Variants in COX7B2 observed in about 807,000 individuals in gnomAD.
COX7B2 encodes the protein cytochrome c oxidase subunit 7B2.
For missense variants in COX7B2, 109 were observed against 95.9 expected, an observed-to-expected ratio of 1.14 and a Z score of -0.57; for synonymous variants, 37 against 32.1, an observed-to-expected ratio of 1.15 and a Z score of -0.51.
chr4:46,905,981 C>T (rs1577721974), intron 1 of COX7B2, among the ~76,000 whole-genome samples: 1 of 151,004 alleles, frequency 6.6e-6, no homozygotes, highest in East Asian at 2.0e-4. Flanking sequence ...AGGCGCCCGC[C>T]ACCGCGCCCG....
chr4:46,745,975 TTTG>T (rs1368273379), intron 2 of COX7B2, among the ~76,000 whole-genome samples: 6 of 152,216 alleles, frequency 3.9e-5, no homozygotes, highest in African/African-American at 1.4e-4. Context: ...CATCTGAATA[TTTG>T]TTAATTAGAA....
chr4:46,780,377 C>T (rs112049420), intron 2 of COX7B2, among the ~76,000 whole-genome samples: 5 of 152,104 alleles, frequency 3.3e-5, no homozygotes, highest in African/African-American at 7.2e-5. Flanking sequence ...ATTAGCAGGG[C>T]GTGATGATGG....
chr4:46,840,993 A>G (rs182671745), intron 2 of COX7B2, among the ~76,000 whole-genome samples: 1 of 152,192 alleles, frequency 6.6e-6, no homozygotes, highest in African/African-American at 2.4e-5. Flanking sequence ...GAGGCAAAGA[A>G]AGCAAAAAGC....
intron 2 of COX7B2, among the ~76,000 whole-genome samples, chr4:46,783,121 GT>G (rs1465017866): frequency 6.6e-6 from 1 of 152,312 alleles, no homozygotes; most frequent in Admixed American, 6.5e-5. Context: ...ACAAGTATTA[GT>G]CCCTTGTACA....
At chr4:46,763,054 A>G (rs896333660) in intron 2 of COX7B2, among the ~76,000 whole-genome samples, 12 of 133,938 alleles carry the variant, frequency 9.0e-5, no homozygotes, top group African/African-American at 1.9e-4. Flanking sequence ...ATATTATAAT[A>G]TGTAATATAT....
At chr4:46,775,127 T>C (rs1277451687) in intron 2 of COX7B2, among the ~76,000 whole-genome samples, 1 of 152,040 alleles carries the variant, frequency 6.6e-6, no homozygotes, top group African/African-American at 2.4e-5. Flanking sequence ...TAAACATAAA[T>C]TACAAGTATA....
chr4:46,799,826 T>C (rs1718556433), intron 2 of COX7B2, among the ~76,000 whole-genome samples: 1 of 152,120 alleles, frequency 6.6e-6, no homozygotes, highest in African/African-American at 2.4e-5. Context: ...TTTCATTGTG[T>C]CTCTGGCCAG....
intron 1 of COX7B2, among the ~76,000 whole-genome samples, chr4:46,846,247 C>T (rs1170011623): frequency 1.3e-5 from 2 of 151,984 alleles, no homozygotes; most frequent in East Asian, 1.9e-4. Flanking sequence ...GAACATTTAA[C>T]GGCTTCAGAT....
intron 1 of COX7B2, among the ~76,000 whole-genome samples, chr4:46,862,379 C>A (rs1191475792): frequency 1.3e-5 from 2 of 152,110 alleles, no homozygotes; most frequent in African/African-American, 4.8e-5. Flanking sequence ...GACTAGAATT[C>A]TGAGGTAAAA....
intron 2 of COX7B2, among the ~76,000 whole-genome samples, chr4:46,825,939 T>G (rs952350195): frequency 1.1e-4 from 16 of 152,004 alleles, no homozygotes; most frequent in African/African-American, 3.6e-4. Flanking sequence ...GAAATCAACC[T>G]AGGTAGTACC....
intron 1 of COX7B2, among the ~76,000 whole-genome samples, chr4:46,886,938 G>A (rs914690499): frequency 6.6e-6 from 1 of 152,118 alleles, no homozygotes; most frequent in African/African-American, 2.4e-5. Context: ...ACTGTTAATT[G>A]GTGTGGAAAA....
At position 46,819,729 on chromosome 4, in the gene COX7B2, T is replaced by C. The variant is rs1714143699; in HGVS notation, c.-50+25231A>G. 3.3e-5 allele frequency among the ~76,000 whole-genome samples: 5 copies of C among 152,352 alleles called. No homozygotes were observed. The South Asian group carries it at 1.0e-3, about 32-fold the overall frequency. On this transcript the variant is annotated intron_variant, in intron 2 of 2. Coordinates refer to ENST00000355591, the MANE Select transcript of COX7B2 (RefSeq NM_130902.3). Reference sequence around the variant, plus strand: ...GTAAAACAGTATATAATTCTACTTATTACAATGTATCAGCTGTTTTATATA... The same window carrying C: ...GTAAAACAGTATATAATTCTACTTACTACAATGTATCAGCTGTTTTATATA...
At chr4:46,737,305 T>G (rs541181730) in intron 2 of COX7B2, among the ~76,000 whole-genome samples, 29 of 152,302 alleles carry the variant, frequency 1.9e-4, no homozygotes, top group African/African-American at 6.5e-4. Context: ...TTCTTATTGT[T>G]GAATTTTAAG....
chr4:46,769,459 C>T (rs150487535), intron 2 of COX7B2, among the ~76,000 whole-genome samples: 1,673 of 152,216 alleles, frequency 0.011, 19 homozygotes, highest in Middle Eastern at 0.041. Context: ...TGGCCGGGCA[C>T]GGTGGCTCAC....
intron 2 of COX7B2, among the ~76,000 whole-genome samples, chr4:46,775,553 G>A (rs911957457): frequency 2.6e-5 from 4 of 152,050 alleles, no homozygotes; most frequent in East Asian, 1.9e-4. Context: ...GGGTCATACC[G>A]CAATGAATAT....
At chr4:46,739,649 A>T (rs1284998001) in intron 2 of COX7B2, among the ~76,000 whole-genome samples, 1 of 152,090 alleles carries the variant, frequency 6.6e-6, no homozygotes, top group Non-Finnish European at 1.5e-5. Flanking sequence ...CCTAAGCTAG[A>T]TCTTGAAATA....
At chr4:46,777,345 G>T (rs73245860) in intron 2 of COX7B2, among the ~76,000 whole-genome samples, 3 of 152,058 alleles carry the variant, frequency 2.0e-5, no homozygotes, top group African/African-American at 7.2e-5. Flanking sequence ...GCAGATAAGT[G>T]AGCCAGTAGC....
intron 2 of COX7B2, among the ~76,000 whole-genome samples, chr4:46,844,180 C>A (rs1716118509): frequency 6.6e-6 from 1 of 151,972 alleles, no homozygotes; most frequent in Non-Finnish European, 1.5e-5. Context: ...TGCCACTTAA[C>A]AAAGTTATTA....
intron 1 of COX7B2, among the ~76,000 whole-genome samples, chr4:46,848,515 G>A (rs1716444403): frequency 6.6e-6 from 1 of 151,948 alleles, no homozygotes; most frequent in Non-Finnish European, 1.5e-5. Flanking sequence ...AATGTGATTA[G>A]TATTCAGCTT....
Sources: gnomAD v4.1 joint callset for allele counts (sites outside exome capture counted in the v4.1 genomes callset) on GRCh38, gnomAD v4.1.1 for gene constraint, MANE v1.5 for transcripts, NCBI Gene and HGNC (gene_info 2026-07-23, HGNC 2026-07-21) for gene names.